PTPRD: variants seen among roughly 807,000 people sequenced by gnomAD.
The protein encoded by PTPRD is receptor-type tyrosine-protein phosphatase delta.
PTPRD carries 34 observed loss-of-function variants against 214.5 expected under a neutral mutation model. The ratio of observed to expected loss-of-function variants is 0.16; its 90% CI spans 0.12 to 0.21. PTPRD has a LOEUF of 0.21. PTPRD is among the 10% of genes least tolerant of loss of function. The pLI, the probability that PTPRD is intolerant of heterozygous loss-of-function variation, is 1.00. For synonymous variants in PTPRD, 1,128 were observed against 845.7 expected (o/e 1.33, Z -5.79); for missense variants, 2,545 against 2,398.7 (o/e 1.06, Z -1.27).
chr9:10,159,172 A>G (rs934315603), intron 3 of PTPRD, among the ~76,000 whole-genome samples: 1 of 152,130 alleles, frequency 6.6e-6, no homozygotes, highest in African/African-American at 2.4e-5. Flanking sequence ...AAAGGCAAAA[A>G]TGTGGGGAGA....
intron 2 of PTPRD, among the ~76,000 whole-genome samples, chr9:10,532,868 T>A (rs1047371592): frequency 6.6e-6 from 1 of 151,982 alleles, no homozygotes; most frequent in Non-Finnish European, 1.5e-5. Context: ...TGGCTCCTCA[T>A]GTAAATTTTC....
chr9:8,861,081 G>C (rs1467890235), intron 11 of PTPRD: 2 of 152,186 alleles, frequency 1.3e-5, no homozygotes, highest in African/African-American at 4.8e-5. Flanking sequence ...CTTTGCTATA[G>C]CACTACCCCC....
chr9:8,329,472 C>G (rs534279083), intron 44 of PTPRD, among the ~76,000 whole-genome samples: 13 of 152,136 alleles, frequency 8.5e-5, no homozygotes, highest in African/African-American at 2.9e-4. Context: ...GAGGTGTCAC[C>G]CAGTCAGGAT....
intron 2 of PTPRD, among the ~76,000 whole-genome samples, chr9:10,598,923 C>A (rs1373390974): frequency 6.6e-6 from 1 of 151,494 alleles, no homozygotes; most frequent in Non-Finnish European, 1.5e-5. Context: ...ACAGAGAATA[C>A]AAACTCCAGT....
At chr9:9,431,966 T>C (rs1339345313) in intron 8 of PTPRD, among the ~76,000 whole-genome samples, 3 of 150,908 alleles carry the variant, frequency 2.0e-5, no homozygotes, top group Non-Finnish European at 4.4e-5. Context: ...GACAAGTTAA[T>C]GGTTGCAGCA....
In PTPRD at chr9:10,307,518, T is replaced by C. The variant is rs138734753; in HGVS notation, c.-545+33445A>G. ...TACTATTGTAAATAGAGCTACAATA[T>C]ACATGGAGGTGAAGATATCTCTTTA... is the stretch of plus-strand genomic sequence containing the variant. On this transcript the variant is annotated intron_variant, in intron 3 of 45. Coordinates refer to ENST00000381196, the MANE Select transcript of PTPRD (RefSeq NM_002839.4). Among the ~76,000 whole-genome samples the C allele has an allele frequency of 3.7e-3, 563 of 152,196 alleles. 4 individuals are homozygous for C. The highest frequency in any genetic ancestry group is 0.013 in the African/African-American group (534 of 41,560).
chr9:10,200,023 G>T (rs1053590704), intron 3 of PTPRD, among the ~76,000 whole-genome samples: 32 of 151,712 alleles, frequency 2.1e-4, no homozygotes, highest in African/African-American at 7.5e-4. Flanking sequence ...GCATACTAAG[G>T]TTTTTTACTG....
At chr9:8,504,555 T>C (rs898311064) in intron 22 of PTPRD, 150 bp from the exon 23 acceptor site, 10 of 831,766 alleles carry the variant, frequency 1.2e-5, no homozygotes, top group African/African-American at 3.5e-5. Context: ...TCCAGGGCTA[T>C]ACTAAGGAAA....
intron 8 of PTPRD, among the ~76,000 whole-genome samples, chr9:9,573,603 A>G (rs1051958675): frequency 1.3e-5 from 2 of 151,782 alleles, no homozygotes; most frequent in Non-Finnish European, 3.0e-5. Flanking sequence ...ATTTATTTAA[A>G]AAGTTCATTC....
chr9:10,595,173 CATATT>C (rs1407633398), intron 2 of PTPRD, among the ~76,000 whole-genome samples: 1 of 151,872 alleles, frequency 6.6e-6, no homozygotes, highest in Non-Finnish European at 1.5e-5. Flanking sequence ...CATCCATTAA[CATATT>C]ATTGTGTCTA....
intron 10 of PTPRD, among the ~76,000 whole-genome samples, chr9:9,129,141 G>T (rs978272086): frequency 9.2e-5 from 14 of 152,220 alleles, no homozygotes; most frequent in African/African-American, 3.4e-4. Context: ...TGTAATCCCA[G>T]CACTTTGGGA....
At chr9:9,818,279 C>T (rs559041800) in intron 5 of PTPRD, among the ~76,000 whole-genome samples, 3 of 152,226 alleles carry the variant, frequency 2.0e-5, no homozygotes, top group African/African-American at 7.2e-5. Context: ...GACAATATTA[C>T]ATAGCTGCCA....
At chr9:9,678,069 G>C (rs1472964224) in intron 7 of PTPRD, among the ~76,000 whole-genome samples, 1 of 151,950 alleles carries the variant, frequency 6.6e-6, no homozygotes, top group Non-Finnish European at 1.5e-5. Flanking sequence ...AAATAAAAGA[G>C]GATACAAACA....
chr9:10,470,779 A>G (rs979470312), intron 2 of PTPRD, among the ~76,000 whole-genome samples: 2 of 152,188 alleles, frequency 1.3e-5, no homozygotes, highest in Admixed American at 1.3e-4. Flanking sequence ...GGAATAGACT[A>G]TCTTTAGTAT....
At chr9:9,007,722 C>T (rs1287861479) in intron 11 of PTPRD, among the ~76,000 whole-genome samples, 1 of 106,436 alleles carries the variant, frequency 9.4e-6, no homozygotes, top group East Asian at 2.4e-4. Context: ...CCTCCTGTTA[C>T]TTGGATCCTT....
At chr9:9,605,975 T>C (rs1336012879) in intron 7 of PTPRD, among the ~76,000 whole-genome samples, 3 of 152,166 alleles carry the variant, frequency 2.0e-5, no homozygotes, top group Admixed American at 6.6e-5. Flanking sequence ...AAATAACTCA[T>C]GCTAAAAAGG....
At chr9:8,897,751 C>T (rs572539087) in intron 11 of PTPRD, among the ~76,000 whole-genome samples, 18 of 152,250 alleles carry the variant, frequency 1.2e-4, no homozygotes, top group Admixed American at 9.8e-4. Flanking sequence ...ATGGGGGGCA[C>T]ACAGCTGGAA....
At chr9:9,603,979 T>A (rs10977867) in intron 7 of PTPRD, among the ~76,000 whole-genome samples, 13,466 of 152,146 alleles carry the variant, frequency 0.089, 668 homozygotes, top group Middle Eastern at 0.18. Flanking sequence ...GAAATACAAC[T>A]CATTAAAATT....
chr9:10,153,252 A>C (rs1417822048), intron 3 of PTPRD, among the ~76,000 whole-genome samples: 2 of 152,080 alleles, frequency 1.3e-5, no homozygotes, highest in Non-Finnish European at 2.9e-5. Context: ...ATACATCACA[A>C]TATCACATTG....
Sources: allele counts gnomAD v4.1 joint callset (sites outside exome capture counted in the v4.1 genomes callset), GRCh38; gene constraint gnomAD v4.1.1; transcripts MANE v1.5; gene names NCBI Gene and HGNC (gene_info 2026-07-23, HGNC 2026-07-21).